GLB1: variants seen among roughly 807,000 people sequenced by gnomAD.
The protein encoded by GLB1 is beta-galactosidase.
GLB1 carries 56 observed loss-of-function variants against 74.0 expected under a neutral mutation model. The observed-to-expected ratio is 0.76, with a 90% CI of 0.61 to 0.94. GLB1 has a LOEUF of 0.94. GLB1 is among the 40% of genes least tolerant of loss of function. GLB1 has a pLI of 0.00. For synonymous variants in GLB1, 323 were observed against 323.6 expected (o/e 1.00, Z 0.02); for missense variants, 787 against 845.5 (o/e 0.93, Z 0.86).
chr3:33,018,500 A>G lies in GLB1; in HGVS notation c.1295T>C (p.Leu432Pro). 1 of 1,614,064 alleles carries G rather than the reference A, an allele frequency of 6.2e-7. No individual in the cohort carries two copies. The highest frequency in any genetic ancestry group is 8.5e-7 in the Non-Finnish European group (1 of 1,180,012). The change falls in exon 13 of 16, where the codon CTC becomes CCC. Residue 432 changes from leucine to proline, a missense_variant. By Grantham distance (98) the Leu-to-Pro change is moderately conservative. Transcript: ENST00000307363. ...GTGGACTCCATTGAGGGGTGAAGAG[A>G]GAGGTGCTGGGTTGCTGCAATCTTG... ...LPQDCSNPAP[L>P]SSPLNGVHDR... is the part of the protein sequence containing the mutation.
In GLB1 at chr3:33,058,129, C is replaced by A. The variant is rs754493105; in HGVS notation, c.693G>T (p.Gly231=). The A allele has an allele frequency of 4.3e-6, 7 of 1,613,960 alleles. No individual in the cohort carries two copies. In the East Asian group the frequency reaches 1.6e-4, roughly 36 times the overall value. Residue 231 remains glycine, a synonymous_variant, in exon 6 of 16, where the codon GGG becomes GGT. Coordinates refer to ENST00000307363, the MANE Select transcript of GLB1 (RefSeq NM_000404.4). ...DGAHKTFLKC[G]ALQGLYTTVD... ...CCGTGGTGTAGAGGCCCTGCAGGGC[C>A]CCACATTTCAGGAATGTTTTATGTG...
At chr3:33,012,188 C>T (rs995748812) in intron 15 of GLB1, among the ~76,000 whole-genome samples, 1 of 152,190 alleles carries the variant, frequency 6.6e-6, no homozygotes, top group African/African-American at 2.4e-5. Context: ...CTTCTACATA[C>T]ATTCCTGGCC....
At chr3:33,096,257 C>G (rs1227261251) in intron 1 of GLB1, 2 of 413,334 alleles carry the variant, frequency 4.8e-6, no homozygotes, top group Non-Finnish European at 6.5e-6. Context: ...CTTTGGAGCC[C>G]CTCAGCCAGT....
chr3:32,982,238 G>A, the GLB1 span, among the ~76,000 whole-genome samples: 15 of 151,526 alleles, frequency 9.9e-5, no homozygotes, highest in African/African-American at 2.4e-4. Flanking sequence ...TCTTGAACCC[G>A]GGAGGTGGAG....
In GLB1 at chr3:33,074,023, C is replaced by CAAA. The variant is rs61415844; in HGVS notation, c.76-1313_76-1311dup. ...TGGGTGACAGAGCAAGACATTGTCT[C>CAAA]AAAAAAAAAAAAAAAAGGCAAGAAA... On this transcript the variant is annotated intron_variant, in intron 1 of 15. Coordinates refer to ENST00000307363, the MANE Select transcript of GLB1 (RefSeq NM_000404.4). Among the ~76,000 whole-genome samples the CAAA allele has an allele frequency of 5.5e-4, 45 of 81,708 alleles. 1 individual carries two copies. Among genetic ancestry groups the CAAA allele is most frequent in the African/African-American group, 1.6e-3 (40 of 24,390 alleles). The allele number at this position is 81,708 out of a possible 152,430, so 53.6% of individuals were successfully genotyped here.
rs537886691 is a variant in GLB1 at position 33,058,078 on chromosome 3, C to T, written c.733+11G>A. 2.5e-6 allele frequency: 4 copies of T among 1,613,168 alleles called. No individual in the cohort carries two copies. The South Asian group carries it at 4.4e-5, about 18-fold the overall frequency. ...TTTTAAGCTGCAATTTCTGTTACTA[C>T]AAACACCAACCTGTTCCAAAGTCCA... On this transcript the variant is annotated intron_variant, in intron 6 of 15. Coordinates refer to ENST00000307363, the MANE Select transcript of GLB1 (RefSeq NM_000404.4).
At chr3:33,092,146 CCCA>C (rs781691359) in intron 1 of GLB1, 11 of 985,506 alleles carry the variant, frequency 1.1e-5, no homozygotes, top group Non-Finnish European at 1.3e-5. Context: ...GACCATGGCG[CCCA>C]CCGTTCTTCT....
chr3:33,057,964 C>A, intron 6 of GLB1, 125 bp downstream of exon 6: 1 of 1,320,402 alleles, frequency 7.6e-7, no homozygotes, highest in Non-Finnish European at 1.1e-6. Context: ...CTACCTGTTC[C>A]TTGAAAAATG....
At chr3:33,044,515 G>C (rs111432028) in intron 10 of GLB1, among the ~76,000 whole-genome samples, 5 of 152,082 alleles carry the variant, frequency 3.3e-5, no homozygotes, top group Non-Finnish European at 7.4e-5. Flanking sequence ...GGAACAGAAA[G>C]CTTCAAAACA....
chr3:33,097,064 T>A lies in GLB1; in HGVS notation c.22A>T (p.Ile8Phe). The change falls in exon 1 of 16, where the codon ATC becomes TTC. Residue 8 changes from isoleucine (I) to phenylalanine (F), a missense_variant. Ile to Phe is a conservative substitution (Grantham distance 21, BLOSUM62 0). Transcript: ENST00000307363. ...AGCAGAACCAGCAACAGAGGGAGGA[T>A]GCGAACCAGGAACCCCGGCATGACC... MPGFLVR[I>F]LPLLLVLLLL... 6.2e-7 allele frequency: 1 copy of A among 1,612,574 alleles called. No individual in the cohort carries two copies. Among genetic ancestry groups the A allele is most frequent in the South Asian group, 1.1e-5 (1 of 90,942 alleles).
chr3:33,058,061 T>A, intron 6 of GLB1, 28 bp downstream of exon 6: 1 of 1,612,556 alleles, frequency 6.2e-7, no homozygotes, highest in Non-Finnish European at 8.5e-7. Context: ...GATTTTAAGC[T>A]GCAATTTCTG....
At chr3:32,964,136 A>G in the GLB1 span, among the ~76,000 whole-genome samples, 6 of 152,360 alleles carry the variant, frequency 3.9e-5, no homozygotes, top group East Asian at 1.2e-3. Flanking sequence ...CATGCTTGAT[A>G]TAAACAGACT....
chr3:32,968,015 C>A, the GLB1 span, among the ~76,000 whole-genome samples: 1 of 152,176 alleles, frequency 6.6e-6, no homozygotes, highest in Non-Finnish European at 1.5e-5. Flanking sequence ...CTGAGGGCGG[C>A]AGGAGTGGCT....
At chr3:32,968,677 A>T in the GLB1 span, among the ~76,000 whole-genome samples, 1 of 152,216 alleles carries the variant, frequency 6.6e-6, no homozygotes, top group African/African-American at 2.4e-5. Context: ...AGAGGAAAGA[A>T]GGAGCCCCTC....
chr3:33,087,331 A>AG (rs958747488), intron 1 of GLB1, among the ~76,000 whole-genome samples: 11 of 152,126 alleles, frequency 7.2e-5, no homozygotes, highest in African/African-American at 2.7e-4. Context: ...GCACTTTGGG[A>AG]GGGGGAAGCG....
At position 33,093,721 on chromosome 3, in the gene GLB1, T is replaced by C; in HGVS notation, c.75+3290A>G. On this transcript the variant is annotated intron_variant, in intron 1 of 15. Transcript: ENST00000307363. The surrounding 1 kb of genome is among the most constrained non-coding windows in gnomAD (Gnocchi z 6.0). Reference sequence around the variant, plus strand: ...GCAGGCCTGAGCACGAGCTTCCTTGTCTTCTCAAGGCTGCCCACGACCCTA... The same window carrying C: ...GCAGGCCTGAGCACGAGCTTCCTTGCCTTCTCAAGGCTGCCCACGACCCTA... The C allele has an allele frequency of 6.2e-7, 1 of 1,614,076 alleles. No homozygotes were observed. The highest frequency in any genetic ancestry group is 8.5e-7 in the Non-Finnish European group (1 of 1,179,990).
chr3:33,065,421 G>A (rs372101885), intron 5 of GLB1, 42 bp downstream of exon 5: 1 of 1,552,328 alleles, frequency 6.4e-7, no homozygotes, highest in Non-Finnish European at 8.7e-7. Flanking sequence ...AGATGGATGG[G>A]AACCCCTCCC....
chr3:32,971,781 T>A, the GLB1 span, among the ~76,000 whole-genome samples: 1 of 152,312 alleles, frequency 6.6e-6, no homozygotes, highest in East Asian at 1.9e-4. Context: ...ACCCTTTCTC[T>A]TGATTCTCTA....
At chr3:33,073,039 G>A (rs770921121) in intron 1 of GLB1, among the ~76,000 whole-genome samples, 12 of 151,906 alleles carry the variant, frequency 7.9e-5, no homozygotes, top group Admixed American at 1.3e-4. Context: ...ACACACACAC[G>A]CATGCACGCA....
Sources: gnomAD v4.1 joint callset for allele counts (sites outside exome capture counted in the v4.1 genomes callset) on GRCh38, gnomAD v4.1.1 for gene constraint, Gnocchi (gnomAD v3.1) non-coding constraint, MANE v1.5 for transcripts, NCBI Gene and HGNC (gene_info 2026-07-23, HGNC 2026-07-21) for gene names.